The following NKD1 variants were observed in gnomAD, a reference collection of about 807,000 sequenced individuals.
NKD1 encodes the protein protein naked cuticle homolog 1.
NKD1 carries 21 observed loss-of-function variants against 56.0 expected under a neutral mutation model. The observed-to-expected ratio is 0.38, with a 90% CI of 0.27 to 0.54. The LOEUF (loss-of-function observed/expected upper bound fraction) is 0.54, where lower values mean the gene tolerates loss of function less well. NKD1 is among the 20% of genes least tolerant of loss of function. NKD1 has a pLI of 0.82. For synonymous variants in NKD1, 263 were observed against 265.7 expected (o/e 0.99, Z 0.10); for missense variants, 578 against 642.7 (o/e 0.90, Z 1.09).
At chr16:50,566,740 CCATTGG>C (rs1194501372) in intron 3 of NKD1, among the ~76,000 whole-genome samples, 3 of 152,170 alleles carry the variant, frequency 2.0e-5, no homozygotes, top group Non-Finnish European at 4.4e-5. Context: ...CCACCCATTG[CCATTGG>C]ATCTTGGAAG....
chr16:50,575,432 T>C (rs879554776), intron 3 of NKD1: 2 of 813,322 alleles, frequency 2.5e-6, no homozygotes, highest in Non-Finnish European at 3.0e-6. Flanking sequence ...TTGTCTGTGT[T>C]CCTGGGAGAA....
In NKD1 at chr16:50,608,322, C is replaced by A. The variant is rs756691004; in HGVS notation, c.221C>A (p.Thr74Lys). Residue 74 changes from threonine (T) to lysine (K), a missense_variant, in exon 4 of 10, where the codon ACG becomes AAG. Physicochemically the swap from Thr to Lys is moderately conservative, Grantham distance 78. Coordinates refer to ENST00000268459, the MANE Select transcript of NKD1 (RefSeq NM_033119.5). ...CTCGTGGGCGACGTGTTGAGAGACA[C>A]GCTCAGCGAGGAAGAGGAGGACGAC... is the stretch of plus-strand genomic sequence containing the variant. ...RELVGDVLRD[T>K]LSEEEEDDFR... The A allele has an allele frequency of 3.1e-6, 5 of 1,613,422 alleles. No individual in the cohort carries two copies. The East Asian group carries it at 1.1e-4, about 36-fold the overall frequency.
chr16:50,591,664 A>G (rs1434099331), intron 3 of NKD1, among the ~76,000 whole-genome samples: 7 of 152,100 alleles, frequency 4.6e-5, no homozygotes, highest in Admixed American at 3.3e-4. Flanking sequence ...TACCATAACC[A>G]TTTGTTTCCC....
At position 50,640,799 on chromosome 16, in the gene NKD1, T is replaced by C. The variant is rs1962564362; in HGVS notation, c.*7018T>C. 1 of 151,998 alleles carries C rather than the reference T, an allele frequency of 6.6e-6. No homozygotes were observed. Among genetic ancestry groups the C allele is most frequent in the Admixed American group, 6.6e-5 (1 of 15,260 alleles). 9.4% of individuals were successfully genotyped at this position (151,998 alleles called of 1,614,324 possible). A position where few individuals can be genotyped will look rare whatever the true frequency, so the allele number is the denominator to read the frequency against. ...GGATATTAGAAAAAGAATAGAAAAT[T>C]GCAGTCCCTTACTGTTTAAAGAAAA... On this transcript the variant is annotated 3_prime_UTR_variant, in exon 10 of 10. Coordinates refer to ENST00000268459, the MANE Select transcript of NKD1 (RefSeq NM_033119.5).
In NKD1 at chr16:50,644,896, G is replaced by T. The variant is rs867558359; in HGVS notation, c.*11115G>T. The stretch of plus-strand genomic sequence containing the variant: ...ATTTGGCATTCGAGTATCTCACCCC[G>T]TCTTGCTAAGCAGTTTAGTTAGACT... On this transcript the variant is annotated 3_prime_UTR_variant, in exon 10 of 10. Coordinates refer to ENST00000268459, the MANE Select transcript of NKD1 (RefSeq NM_033119.5). 6.6e-6 allele frequency: 1 copy of T among 152,066 alleles called. No individual in the cohort carries two copies. Among genetic ancestry groups the T allele is most frequent in the Non-Finnish European group, 1.5e-5 (1 of 68,040 alleles). The allele number at this position is 152,066 out of a possible 1,614,324, so 9.4% of individuals were successfully genotyped here. A position where few individuals can be genotyped will look rare whatever the true frequency, so the allele number is the denominator to read the frequency against.
intron 3 of NKD1, chr16:50,575,052 C>T: frequency 1.0e-6 from 1 of 984,238 alleles, no homozygotes; most frequent in Non-Finnish European, 1.2e-6. Context: ...CAGCTGTCTT[C>T]TGAGAGAGCT....
intron 3 of NKD1, among the ~76,000 whole-genome samples, chr16:50,550,020 C>A (rs1454762312): frequency 6.6e-6 from 1 of 152,080 alleles, no homozygotes; most frequent in Admixed American, 6.5e-5. Context: ...TGTACAGGAA[C>A]CCCAGTAGAG....
At chr16:50,576,188 CCAGGCCCTGAA>C (rs1045893544) in intron 3 of NKD1, among the ~76,000 whole-genome samples, 6 of 152,138 alleles carry the variant, frequency 3.9e-5, no homozygotes, top group African/African-American at 1.4e-4. Flanking sequence ...AGGGTCCCAC[CCAGGCCCTGAA>C]CAGGCCCTGG....
Position 50,639,067 on chromosome 16 carries a change from A to T in NKD1, c.*5286A>T, listed in dbSNP as rs554424562. Reference sequence around the variant, plus strand: ...AATTCTCATCCCCTGAATGCTTGGGATCACCTGGGGAGAGTTCACAAAATA... The same window carrying T: ...AATTCTCATCCCCTGAATGCTTGGGTTCACCTGGGGAGAGTTCACAAAATA... On this transcript the variant is annotated 3_prime_UTR_variant, in exon 10 of 10. Transcript: ENST00000268459. The T allele has an allele frequency of 1.8e-4, 28 of 152,276 alleles. No individual in the cohort carries two copies. The highest frequency in any genetic ancestry group is 6.7e-4 in the African/African-American group (28 of 41,534). 9.4% of individuals were successfully genotyped at this position (152,276 alleles called of 1,614,324 possible).
rs1386263939 is a variant in NKD1, at chr16:50,639,113, CTGA to C, written c.*5338_*5340del. 6.6e-6 allele frequency: 1 copy of C among 152,166 alleles called. No individual in the cohort carries two copies. Among genetic ancestry groups the C allele is most frequent in the African/African-American group, 2.4e-5 (1 of 41,408 alleles). 9.4% of individuals were successfully genotyped at this position (152,166 alleles called of 1,614,324 possible). ...AAATACTGGTGCAGGGGTCCCACCTCTGATGATGCTGAGTGGTGGGTCTGGGGT... is the reference window on the plus strand; with the variant it reads ...AAATACTGGTGCAGGGGTCCCACCTCTGATGCTGAGTGGTGGGTCTGGGGT... On this transcript the variant is annotated 3_prime_UTR_variant, in exon 10 of 10. Coordinates refer to ENST00000268459, the MANE Select transcript of NKD1 (RefSeq NM_033119.5).
chr16:50,605,016 G>C (rs1961675132), intron 3 of NKD1, among the ~76,000 whole-genome samples: 1 of 152,226 alleles, frequency 6.6e-6, no homozygotes, highest in Non-Finnish European at 1.5e-5. Context: ...CAGGACTCCT[G>C]ACCACCTCTG....
At chr16:50,625,681 C>G (rs1418048755) in intron 6 of NKD1, 101 bp downstream of exon 6, 1 of 767,858 alleles carries the variant, frequency 1.3e-6, no homozygotes, top group South Asian at 1.5e-5. Flanking sequence ...TGCATCGGTC[C>G]TGCCCCTCAG....
chr16:50,621,257 C>T (rs898108406), intron 4 of NKD1, among the ~76,000 whole-genome samples: 11 of 152,246 alleles, frequency 7.2e-5, no homozygotes, highest in Non-Finnish European at 1.0e-4. Flanking sequence ...TAAGCTCCCT[C>T]GCTGGGCTCC....
rs1450602139 is a variant in NKD1 at position 50,645,808 on chromosome 16, G to A, written c.*12027G>A. On this transcript the variant is annotated 3_prime_UTR_variant, in exon 10 of 10. Transcript: ENST00000268459. ...CGAACATCTTCTTAAGCGAGGGAAA[G>A]AACAAAAAGAAAAGTTGGCAAGAAA... 6 of 152,148 alleles carry A rather than the reference G, an allele frequency of 3.9e-5. No homozygotes were observed. The highest frequency in any genetic ancestry group is 2.9e-5 in the Non-Finnish European group (2 of 68,032). 9.4% of individuals were successfully genotyped at this position (152,148 alleles called of 1,614,324 possible). A position where few individuals can be genotyped will look rare whatever the true frequency, so the allele number is the denominator to read the frequency against.
At chr16:50,563,710 G>A (rs541805741) in intron 3 of NKD1, among the ~76,000 whole-genome samples, 7 of 131,850 alleles carry the variant, frequency 5.3e-5, no homozygotes, top group African/African-American at 2.1e-4. Context: ...TCCATCCTCA[G>A]TGGGCACAGC....
intron 3 of NKD1, among the ~76,000 whole-genome samples, chr16:50,576,887 T>C (rs986389316): frequency 6.6e-6 from 1 of 151,980 alleles, no homozygotes; most frequent in African/African-American, 2.4e-5. Context: ...GGTGAGGGCA[T>C]GAAGTCAAGC....
At chr16:50,609,654 C>T (rs1961798245) in intron 4 of NKD1, among the ~76,000 whole-genome samples, 1 of 152,210 alleles carries the variant, frequency 6.6e-6, no homozygotes, top group South Asian at 2.1e-4. Flanking sequence ...CCCAGGCCTG[C>T]TGAATCCGAT....
At chr16:50,561,557 A>G (rs1001955074) in intron 3 of NKD1, among the ~76,000 whole-genome samples, 2 of 152,044 alleles carry the variant, frequency 1.3e-5, no homozygotes, top group East Asian at 3.9e-4. Flanking sequence ...AGCTCCAAAT[A>G]AGTGACATGT....
intron 3 of NKD1, among the ~76,000 whole-genome samples, chr16:50,577,124 T>G (rs1320488580): frequency 6.6e-6 from 1 of 152,178 alleles, no homozygotes; most frequent in African/African-American, 2.4e-5. Context: ...GGTCTTAAGT[T>G]AAAACCAAGC....
Sources: gnomAD v4.1 joint callset for allele counts (sites outside exome capture counted in the v4.1 genomes callset) on GRCh38, gnomAD v4.1.1 for gene constraint, MANE v1.5 for transcripts, NCBI Gene and HGNC (gene_info 2026-07-23, HGNC 2026-07-21) for gene names.